The following ACTR3C variants were observed in gnomAD, a reference collection of about 807,000 sequenced individuals.
The protein encoded by ACTR3C is actin-related protein 3C.
A neutral mutation model predicts 26.3 loss-of-function variants in ACTR3C; 18 were observed. The ratio of observed to expected loss-of-function variants is 0.68; its 90% CI spans 0.47 to 1.01. ACTR3C has a LOEUF of 1.01. ACTR3C is among the 50% of genes least tolerant of loss of function. The probability of loss-of-function intolerance (pLI) is 0.00; values close to 1 mark genes in which losing one functional copy is unlikely to be tolerated. For synonymous variants in ACTR3C, 55 were observed against 94.5 expected (o/e 0.58, Z 2.42); for missense variants, 184 against 250.7 (o/e 0.73, Z 1.80).
chr7:150,316,035 T>C (rs1451175544), intron 1 of ACTR3C, among the ~76,000 whole-genome samples: 1 of 152,152 alleles, frequency 6.6e-6, no homozygotes, highest in Non-Finnish European at 1.5e-5. Context: ...CCGTCTCTAC[T>C]AAAAATACGA....
chr7:150,103,475 C>G, the ACTR3C span, among the ~76,000 whole-genome samples: 2 of 151,982 alleles, frequency 1.3e-5, no homozygotes, highest in African/African-American at 2.4e-5. Flanking sequence ...CATCTAGCCA[C>G]TGCATTTCAT....
At chr7:150,140,248 C>A in the ACTR3C span, among the ~76,000 whole-genome samples, 3 of 152,182 alleles carry the variant, frequency 2.0e-5, no homozygotes, top group African/African-American at 7.2e-5. Context: ...AGGTGAAGAG[C>A]GCATTCCTAC....
At chr7:150,048,450 T>G in the ACTR3C span, among the ~76,000 whole-genome samples, 2 of 150,098 alleles carry the variant, frequency 1.3e-5, no homozygotes, top group Admixed American at 6.6e-5. Flanking sequence ...GTGAAGAGGG[T>G]GGAGGGGCGG....
At chr7:150,194,637 T>C in the ACTR3C span, among the ~76,000 whole-genome samples, 1 of 152,204 alleles carries the variant, frequency 6.6e-6, no homozygotes, top group Non-Finnish European at 1.5e-5. Context: ...TTTGTCTTTG[T>C]TTCTTTTTTC....
intron 6 of ACTR3C, among the ~76,000 whole-genome samples, chr7:150,268,096 T>G (rs1180615200): frequency 6.6e-6 from 1 of 151,982 alleles, no homozygotes; most frequent in African/African-American, 2.4e-5. Context: ...ATCGGGGACT[T>G]AAATGAGAAG....
chr7:149,898,459 A>C, the ACTR3C span, among the ~76,000 whole-genome samples: 1 of 152,216 alleles, frequency 6.6e-6, no homozygotes, highest in East Asian at 1.9e-4. Context: ...TAATCCCAAC[A>C]CTGTGGGAGG....
intron 1 of ACTR3C, among the ~76,000 whole-genome samples, chr7:150,315,169 GTGA>G (rs553917656): frequency 6.7e-6 from 1 of 148,890 alleles, no homozygotes; most frequent in Non-Finnish European, 1.5e-5. Flanking sequence ...ATACATACAA[GTGA>G]TGAAGTAGGC....
At chr7:149,901,058 A>G in the ACTR3C span, among the ~76,000 whole-genome samples, 2 of 152,218 alleles carry the variant, frequency 1.3e-5, no homozygotes, top group Non-Finnish European at 2.9e-5. Flanking sequence ...CTGTATGAGT[A>G]GTAGCATTAC....
chr7:150,213,418 T>C, the ACTR3C span, among the ~76,000 whole-genome samples: 1 of 151,520 alleles, frequency 6.6e-6, no homozygotes, highest in African/African-American at 2.4e-5. Flanking sequence ...GAAGAGAAAA[T>C]AAAAAAGAGA....
chr7:150,157,167 A>G, the ACTR3C span, among the ~76,000 whole-genome samples: 1 of 149,024 alleles, frequency 6.7e-6, no homozygotes, highest in Non-Finnish European at 1.5e-5. Context: ...AACTTTGCCT[A>G]AAACTGCAGC....
intron 2 of ACTR3C, among the ~76,000 whole-genome samples, chr7:150,293,667 G>C (rs138028936): frequency 6.6e-6 from 1 of 152,036 alleles, no homozygotes; most frequent in Admixed American, 6.5e-5. Flanking sequence ...TGACTGTGGT[G>C]ACTCATGCCT....
chr7:150,140,874 G>A, the ACTR3C span, among the ~76,000 whole-genome samples: 1 of 152,250 alleles, frequency 6.6e-6, no homozygotes, highest in Non-Finnish European at 1.5e-5. Flanking sequence ...AGTTGTGAGT[G>A]CAAAGGCAAA....
chr7:150,243,353 T>C (rs1832289386), downstream of ACTR3C, among the ~76,000 whole-genome samples: 1 of 152,114 alleles, frequency 6.6e-6, no homozygotes, highest in Non-Finnish European at 1.5e-5. Flanking sequence ...TTTAAAATGA[T>C]TTTATCAAAT....
At chr7:150,253,729 T>TC (rs1833010738) in intron 6 of ACTR3C, among the ~76,000 whole-genome samples, 1 of 151,982 alleles carries the variant, frequency 6.6e-6, no homozygotes, top group Admixed American at 6.5e-5. Context: ...TACATGTTGA[T>TC]CCTTTTTAGT....
chr7:149,905,536 T>G, the ACTR3C span, among the ~76,000 whole-genome samples: 4 of 150,652 alleles, frequency 2.7e-5, no homozygotes, highest in African/African-American at 9.8e-5. Flanking sequence ...TATCAAAATT[T>G]TAAATTTCTA....
At chr7:150,019,599 A>AAATAATAATAATAAT in the ACTR3C span, among the ~76,000 whole-genome samples, 69 of 109,804 alleles carry the variant, frequency 6.3e-4, no homozygotes, top group African/African-American at 1.7e-3. Context: ...TCAAAAATAA[A>AAATAATAATAATAAT]AATAATAATA....
At chr7:150,140,008 A>T in the ACTR3C span, among the ~76,000 whole-genome samples, 1 of 149,692 alleles carries the variant, frequency 6.7e-6, no homozygotes, top group Non-Finnish European at 1.5e-5. Context: ...ACACATTCAC[A>T]CACACATGCA....
At chr7:150,175,430 A>G in the ACTR3C span, among the ~76,000 whole-genome samples, 60 of 146,734 alleles carry the variant, frequency 4.1e-4, no homozygotes, top group African/African-American at 1.3e-3. Flanking sequence ...CAGCTTCTTC[A>G]TGACCTCTGT....
chr7:150,080,655 T>C, the ACTR3C span, among the ~76,000 whole-genome samples: 1 of 151,416 alleles, frequency 6.6e-6, no homozygotes, highest in Non-Finnish European at 1.5e-5. Context: ...AGATGGACAG[T>C]TCTGTGGGCA....
Sources: gnomAD v4.1 joint callset for allele counts (sites outside exome capture counted in the v4.1 genomes callset) on GRCh38, gnomAD v4.1.1 for gene constraint, MANE v1.5 for transcripts, NCBI Gene and HGNC (gene_info 2026-07-23, HGNC 2026-07-21) for gene names.